Variants in ANXA8 observed in about 807,000 individuals in gnomAD.
ANXA8 encodes the protein VAC-beta.
A neutral mutation model predicts 26.8 loss-of-function variants in ANXA8; 9 were observed. The observed-to-expected ratio is 0.34, with a 90% CI of 0.20 to 0.59. The LOEUF is 0.59. ANXA8 is among the 20% of genes least tolerant of loss of function. ANXA8 has a pLI of 0.84. For synonymous variants in ANXA8, 39 were observed against 94.8 expected (o/e 0.41, Z 3.42); for missense variants, 83 against 238.5 (o/e 0.35, Z 4.29).
At chr10:47,688,378 G>A in the ANXA8 span, among the ~76,000 whole-genome samples, 60 of 149,398 alleles carry the variant, frequency 4.0e-4, 2 homozygotes, top group South Asian at 6.6e-3. Flanking sequence ...GCCTCCCAAA[G>A]TGCTGGGATT....
chr10:47,702,929 T>A, the ANXA8 span, among the ~76,000 whole-genome samples: 1 of 149,858 alleles, frequency 6.7e-6, no homozygotes. Flanking sequence ...CCATTGTGCC[T>A]GGCCAACATA....
chr10:47,503,031 G>A, the ANXA8 span: 2 of 1,608,532 alleles, frequency 1.2e-6, no homozygotes, highest in South Asian at 1.1e-5. Context: ...CGGTGTCCAT[G>A]TCCTTGGATA....
the ANXA8 span, among the ~76,000 whole-genome samples, chr10:47,595,236 T>C: frequency 3.4e-5 from 5 of 148,164 alleles, no homozygotes; most frequent in East Asian, 1.9e-4. Context: ...TTATCACCAC[T>C]AGACTAGCCC....
At chr10:47,958,914 A>T in the ANXA8 span, among the ~76,000 whole-genome samples, 1 of 150,110 alleles carries the variant, frequency 6.7e-6, no homozygotes, top group Non-Finnish European at 1.5e-5. Flanking sequence ...TCTAGTCCTA[A>T]CTTTAACACG....
the ANXA8 span, among the ~76,000 whole-genome samples, chr10:47,609,205 C>T: frequency 1.4e-5 from 2 of 146,808 alleles, 1 homozygote; most frequent in Non-Finnish European, 3.0e-5. Context: ...CCCTTCCTAA[C>T]TTCCCCTGCA....
At chr10:47,648,428 C>T in the ANXA8 span, among the ~76,000 whole-genome samples, 2 of 150,182 alleles carry the variant, frequency 1.3e-5, no homozygotes, top group South Asian at 2.1e-4. Context: ...GTTACAGAGA[C>T]CTCAGTATTT....
chr10:47,547,385 T>A, the ANXA8 span, among the ~76,000 whole-genome samples: 5 of 139,014 alleles, frequency 3.6e-5, no homozygotes, highest in Non-Finnish European at 7.8e-5. Context: ...ACCGTTTGTG[T>A]TTTTAAAGGG....
the ANXA8 span, among the ~76,000 whole-genome samples, chr10:47,736,663 C>A: frequency 2.0e-5 from 3 of 149,056 alleles, no homozygotes. Flanking sequence ...TTTTCTTTTT[C>A]TTTTTTTTTG....
chr10:47,957,474 C>T, the ANXA8 span, among the ~76,000 whole-genome samples: 2 of 150,588 alleles, frequency 1.3e-5, no homozygotes, highest in Admixed American at 1.3e-4. Flanking sequence ...CAGTCAGGCC[C>T]AGGCCTAGGG....
rs1588934022 is a variant in ANXA8, at chr10:47,483,806, G to T, written c.21+107C>A. ...TTGGCCCAGGAGGCAGCCAAATGTAGACTGAGCCACTCCCAGCCAAGGGCG... is the reference window on the plus strand; with the variant it reads ...TTGGCCCAGGAGGCAGCCAAATGTATACTGAGCCACTCCCAGCCAAGGGCG... On this transcript the variant is annotated intron_variant, in intron 1 of 11. Coordinates refer to ENST00000585281, the MANE Select transcript of ANXA8 (RefSeq NM_001040084.3). 25 of 1,609,968 alleles carry T rather than the reference G, an allele frequency of 1.6e-5. No individual in the cohort carries two copies. In the East Asian group the frequency reaches 5.6e-4, roughly 36 times the overall value.
At chr10:47,527,950 G>A in the ANXA8 span, among the ~76,000 whole-genome samples, 11,313 of 125,252 alleles carry the variant, frequency 0.09, 590 homozygotes, top group East Asian at 0.34. Context: ...CGTGCAATCC[G>A]GATCAGGGAC....
chr10:47,957,803 C>T, the ANXA8 span, among the ~76,000 whole-genome samples: 3 of 149,308 alleles, frequency 2.0e-5, no homozygotes, highest in African/African-American at 7.6e-5. Flanking sequence ...CCATAGCCTT[C>T]TCCTCTGTGT....
At chr10:47,667,766 A>G in the ANXA8 span, among the ~76,000 whole-genome samples, 1 of 151,666 alleles carries the variant, frequency 6.6e-6, no homozygotes, top group Non-Finnish European at 1.5e-5. Context: ...GAGATAGAGT[A>G]TCACTCTGTT....
the ANXA8 span, among the ~76,000 whole-genome samples, chr10:47,596,579 T>C: frequency 6.8e-6 from 1 of 146,280 alleles, no homozygotes; most frequent in Non-Finnish European, 1.5e-5. Flanking sequence ...CAATCAGCAA[T>C]AACAAAGGCG....
chr10:47,771,944 G>A, the ANXA8 span, among the ~76,000 whole-genome samples: 1 of 151,422 alleles, frequency 6.6e-6, no homozygotes, highest in Non-Finnish European at 1.5e-5. Context: ...GACTAAATCT[G>A]ACTAAATAAG....
the ANXA8 span, among the ~76,000 whole-genome samples, chr10:47,988,672 G>A: frequency 6.9e-6 from 1 of 145,720 alleles, no homozygotes; most frequent in Non-Finnish European, 1.5e-5. Flanking sequence ...TGTCCTGTTA[G>A]ATCTGTCTCA....
the ANXA8 span, among the ~76,000 whole-genome samples, chr10:47,594,058 GCCTTC>G: frequency 4.7e-5 from 7 of 147,468 alleles, no homozygotes; most frequent in Non-Finnish European, 2.9e-5. Context: ...GGGCTCTCAG[GCCTTC>G]AGCCACAGAC....
At chr10:47,604,769 T>A in the ANXA8 span, among the ~76,000 whole-genome samples, 7 of 152,424 alleles carry the variant, frequency 4.6e-5, no homozygotes, top group East Asian at 7.7e-4. Flanking sequence ...TCAGATGTGG[T>A]AATTTGATGA....
At chr10:47,697,010 A>G in the ANXA8 span, among the ~76,000 whole-genome samples, 3 of 151,774 alleles carry the variant, frequency 2.0e-5, 1 homozygote, top group African/African-American at 2.4e-5. Context: ...AAGAAAAGCT[A>G]TCTTTCTTCT....
Sources: gnomAD v4.1 joint callset for allele counts (sites outside exome capture counted in the v4.1 genomes callset) on GRCh38, gnomAD v4.1.1 for gene constraint, MANE v1.5 for transcripts, NCBI Gene and HGNC (gene_info 2026-07-23, HGNC 2026-07-21) for gene names.